Variants in FLI1 observed in about 807,000 individuals in gnomAD.
FLI1 encodes Fli-1 proto-oncogene, ETS transcription factor.
Under a neutral mutation model 53.1 loss-of-function variants are expected in FLI1, and 13 were observed. The observed-to-expected ratio is 0.24, with a 90% CI of 0.16 to 0.39. FLI1 has a LOEUF of 0.39. Ranked by LOEUF, FLI1 falls within the 10% of genes least tolerant of loss-of-function variation. The pLI is 1.00. For missense variants in FLI1, 424 were observed against 600.5 expected, an observed-to-expected ratio of 0.71 and a Z score of 3.07; for synonymous variants, 244 against 236.7, an observed-to-expected ratio of 1.03 and a Z score of -0.28.
intron 1 of FLI1, among the ~76,000 whole-genome samples, chr11:128,719,785 G>A (rs186243183): frequency 2.0e-5 from 3 of 152,266 alleles, no homozygotes; most frequent in East Asian, 1.9e-4. Context: ...GCTATGCAGG[G>A]CAAGGAAAAA....
At chr11:128,768,973 C>G (rs1288795211) in intron 3 of FLI1, among the ~76,000 whole-genome samples, 1 of 152,244 alleles carries the variant, frequency 6.6e-6, no homozygotes, top group Admixed American at 6.5e-5. Context: ...CCTCCAGGCT[C>G]GTACTTCCCG....
chr11:128,717,299 A>G (rs1193246086), intron 1 of FLI1, among the ~76,000 whole-genome samples: 1 of 152,176 alleles, frequency 6.6e-6, no homozygotes, highest in East Asian at 1.9e-4. Context: ...GAGAGAGGAG[A>G]TTCCCAGGAG....
At chr11:128,710,151 C>G (rs554624762) in intron 1 of FLI1, among the ~76,000 whole-genome samples, 1 of 152,198 alleles carries the variant, frequency 6.6e-6, no homozygotes, top group East Asian at 1.9e-4. Context: ...CTGTCTTTCA[C>G]GGTACACTGC....
At chr11:128,773,172 G>T (rs1429943284) in intron 4 of FLI1, among the ~76,000 whole-genome samples, 187 bp downstream of exon 4, 1 of 152,158 alleles carries the variant, frequency 6.6e-6, no homozygotes, top group African/African-American at 2.4e-5. Flanking sequence ...ATCCTGAAGT[G>T]TCAAAGGAAG....
intron 1 of FLI1, among the ~76,000 whole-genome samples, chr11:128,710,603 C>T (rs1938747642): frequency 6.6e-6 from 1 of 152,080 alleles, no homozygotes; most frequent in Non-Finnish European, 1.5e-5. Flanking sequence ...TAGAGAGCAT[C>T]TCAAATTTAT....
At chr11:128,805,788 G>A (rs953762061) in intron 6 of FLI1, 2 of 201,694 alleles carry the variant, frequency 9.9e-6, no homozygotes, top group Admixed American at 6.1e-5. Flanking sequence ...CGTAACTGTT[G>A]AGGCTAAGTC....
At chr11:128,689,568 G>T (rs569006160), upstream of FLI1, among the ~76,000 whole-genome samples, 8 of 152,282 alleles carry the variant, frequency 5.3e-5, no homozygotes, top group East Asian at 1.5e-3. Flanking sequence ...TGGTCTTGCC[G>T]GCGGGTCTCG....
chr11:128,739,151 C>T (rs933895087), intron 1 of FLI1, among the ~76,000 whole-genome samples: 6 of 152,104 alleles, frequency 3.9e-5, no homozygotes, highest in Non-Finnish European at 5.9e-5. Flanking sequence ...CTTAGCCTTG[C>T]TCTGAGGAGA....
intron 6 of FLI1, chr11:128,805,732 C>A: frequency 3.5e-6 from 1 of 288,688 alleles, no homozygotes; most frequent in Non-Finnish European, 6.4e-6. Context: ...CTGGGTTTTG[C>A]TTTTGTTATT....
chr11:128,803,701 A>G (rs531380895), intron 5 of FLI1, among the ~76,000 whole-genome samples: 51 of 152,310 alleles, frequency 3.3e-4, no homozygotes, highest in African/African-American at 1.2e-3. Flanking sequence ...TACAGTGCAG[A>G]AGTTGGTCCC....
chr11:128,700,585 A>G (rs1167426924), intron 1 of FLI1, among the ~76,000 whole-genome samples: 1 of 152,140 alleles, frequency 6.6e-6, no homozygotes, highest in Non-Finnish European at 1.5e-5. Context: ...TATAACAAAG[A>G]ATTTGGGGGT....
At chr11:128,728,854 TC>T (rs1269865306) in intron 1 of FLI1, among the ~76,000 whole-genome samples, 2 of 152,158 alleles carry the variant, frequency 1.3e-5, no homozygotes, top group African/African-American at 4.8e-5. Flanking sequence ...ATTCAATTAG[TC>T]CCCTAGCCAA....
intron 1 of FLI1, among the ~76,000 whole-genome samples, chr11:128,747,610 G>T (rs998851766): frequency 8.5e-5 from 13 of 152,220 alleles, no homozygotes. Context: ...ATCTCAGTCT[G>T]GCTTTGCTTT....
rs1489318158 is a variant in FLI1, at chr11:128,812,654, G to T, written c.*1666G>T. The T allele has an allele frequency of 4.5e-6, 1 of 222,566 alleles. No individual in the cohort carries two copies. Among genetic ancestry groups the T allele is most frequent in the African/African-American group, 2.2e-5 (1 of 44,906 alleles). 13.8% of individuals were successfully genotyped at this position (222,566 alleles called of 1,614,324 possible). A position where few individuals can be genotyped will look rare whatever the true frequency, so the allele number is the denominator to read the frequency against. ...AGGGTTTTATAAAACAGCAGCTAAG[G>T]CCATGGATAAACCTGTATGTAAGGA... is the stretch of plus-strand genomic sequence containing the variant. On this transcript the variant is annotated 3_prime_UTR_variant, in exon 9 of 9. Transcript: ENST00000527786.
intron 4 of FLI1, 144 bp from the exon 5 acceptor site, chr11:128,781,814 C>A: frequency 4.5e-6 from 3 of 672,544 alleles, no homozygotes; most frequent in Non-Finnish European, 5.4e-6. Flanking sequence ...GGATTCCATT[C>A]GCTTTTCCTT....
intron 1 of FLI1, among the ~76,000 whole-genome samples, chr11:128,717,166 A>C (rs1591748669): frequency 6.6e-6 from 1 of 152,046 alleles, no homozygotes; most frequent in Admixed American, 6.5e-5. Flanking sequence ...CTCCCACTTC[A>C]GCTTCAAGCG....
In FLI1 at chr11:128,704,199, G is replaced by T. The variant is rs1206672517; in HGVS notation, c.18+9923G>T. 2.6e-5 allele frequency among the ~76,000 whole-genome samples: 4 copies of T among 152,300 alleles called. No homozygotes were observed. The East Asian group carries it at 7.7e-4, about 29-fold the overall frequency. On this transcript the variant is annotated intron_variant, in intron 1 of 8. Coordinates refer to ENST00000527786, the MANE Select transcript of FLI1 (RefSeq NM_002017.5). ...GCTTTAAAACATTTCTTATTTGGGGGTGTGGATGATAGAACCTCACGTAGA... is the reference window on the plus strand; with the variant it reads ...GCTTTAAAACATTTCTTATTTGGGGTTGTGGATGATAGAACCTCACGTAGA...
chr11:128,707,830 TG>T, intron 1 of FLI1, among the ~76,000 whole-genome samples: 1 of 152,208 alleles, frequency 6.6e-6, no homozygotes, highest in Non-Finnish European at 1.5e-5. Flanking sequence ...GTGTATTTCA[TG>T]GGAAATTTCA....
chr11:128,747,755 G>A (rs191805310), intron 1 of FLI1, among the ~76,000 whole-genome samples: 61 of 152,312 alleles, frequency 4.0e-4, no homozygotes, highest in African/African-American at 1.5e-3. Context: ...ACCCTTTTGT[G>A]GTTCCCACTG....
Sources: gnomAD v4.1 joint callset for allele counts (sites outside exome capture counted in the v4.1 genomes callset) on GRCh38, gnomAD v4.1.1 for gene constraint, MANE v1.5 for transcripts, NCBI Gene and HGNC (gene_info 2026-07-23, HGNC 2026-07-21) for gene names.